Variants in SMIM35 observed in about 807,000 individuals in gnomAD.
The protein encoded by SMIM35 is small integral membrane protein 35, also known as TMPRSS4 antisense RNA 1 (non-protein coding).
At chr11:118,069,330 C>G (rs987944805) in intron 1 of SMIM35, among the ~76,000 whole-genome samples, 5 of 152,170 alleles carry the variant, frequency 3.3e-5, no homozygotes, top group Admixed American at 1.3e-4. Context: ...GCCGGTAGAC[C>G]AGGCCTTAAT....
Position 118,050,752 on chromosome 11 carries a change from G to A in SMIM35, c.8-34943C>T, listed in dbSNP as rs1944199838. On this transcript the variant is annotated intron_variant, in intron 1 of 4. Coordinates refer to ENST00000689828, the MANE Select transcript of SMIM35 (RefSeq NM_001394165.1). ...ATTGGTTGCAAGTTCAGAGGCTTTG[G>A]GGTTTTGTAGATCTGCCCGAAGCAT... 2.0e-5 allele frequency among the ~76,000 whole-genome samples: 3 copies of A among 152,296 alleles called. No homozygotes were observed. The South Asian group carries it at 6.2e-4, about 32-fold the overall frequency.
chr11:118,051,601 C>A (rs565351592), intron 1 of SMIM35, among the ~76,000 whole-genome samples: 2 of 152,196 alleles, frequency 1.3e-5, no homozygotes, highest in Non-Finnish European at 2.9e-5. Context: ...CAGGCGAGAG[C>A]TCTCCCAACA....
chr11:118,054,147 G>T (rs1235146582), intron 1 of SMIM35, among the ~76,000 whole-genome samples: 1 of 141,188 alleles, frequency 7.1e-6, no homozygotes, highest in Non-Finnish European at 1.5e-5. Flanking sequence ...GGTTTTGGGG[G>T]TTTTTGGGAT....
intron 1 of SMIM35, among the ~76,000 whole-genome samples, chr11:118,085,827 T>A (rs1236803642): frequency 6.6e-6 from 1 of 152,160 alleles, no homozygotes; most frequent in Non-Finnish European, 1.5e-5. Flanking sequence ...GGCACCTTCC[T>A]TCCTATCAGA....
At chr11:118,070,332 A>T (rs1197766827) in intron 1 of SMIM35, among the ~76,000 whole-genome samples, 2 of 152,036 alleles carry the variant, frequency 1.3e-5, no homozygotes, top group Non-Finnish European at 2.9e-5. Context: ...ACCTACCACC[A>T]CGCCCAGCTA....
chr11:118,072,903 T>C (rs1944594591), intron 1 of SMIM35, among the ~76,000 whole-genome samples: 1 of 152,120 alleles, frequency 6.6e-6, no homozygotes, highest in South Asian at 2.1e-4. Flanking sequence ...ACACTTCACA[T>C]GGAAGTGAAG....
rs2058113469 is a variant in SMIM35, at chr11:118,004,825, G to C, written c.*1585C>G. ...GAGCCCAGCCAGGAGCCTCACTGGG[G>C]CTCCTTGGTCAATCACAGCCCATCA... On this transcript the variant is annotated 3_prime_UTR_variant, in exon 5 of 5. Coordinates refer to ENST00000689828, the MANE Select transcript of SMIM35 (RefSeq NM_001394165.1). 4 of 152,230 alleles carry C rather than the reference G, an allele frequency of 2.6e-5. No individual in the cohort carries two copies. The highest frequency in any genetic ancestry group is 9.7e-5 in the African/African-American group (4 of 41,424). The allele number at this position is 152,230 out of a possible 1,614,324, so 9.4% of individuals were successfully genotyped here. A position where few individuals can be genotyped will look rare whatever the true frequency, so the allele number is the denominator to read the frequency against.
At chr11:118,050,649 C>A (rs1468012577) in intron 1 of SMIM35, among the ~76,000 whole-genome samples, 1 of 152,224 alleles carries the variant, frequency 6.6e-6, no homozygotes, top group Admixed American at 6.5e-5. Context: ...TCTTCTAGCC[C>A]CCACCCTTGC....
At chr11:118,032,529 G>A (rs1170172513) in intron 1 of SMIM35, among the ~76,000 whole-genome samples, 1 of 152,172 alleles carries the variant, frequency 6.6e-6, no homozygotes, top group East Asian at 1.9e-4. Context: ...CTGGGTGGTG[G>A]TAGGAAAGAG....
At chr11:118,041,716 T>A (rs1188636895) in intron 1 of SMIM35, among the ~76,000 whole-genome samples, 1 of 152,116 alleles carries the variant, frequency 6.6e-6, no homozygotes, top group African/African-American at 2.4e-5. Flanking sequence ...AGATCTCACA[T>A]CAATGGCCTA....
At chr11:118,029,707 C>T (rs369577050) in intron 1 of SMIM35, 16 of 457,294 alleles carry the variant, frequency 3.5e-5, no homozygotes, top group African/African-American at 2.0e-4. Flanking sequence ...GAACCAGTCT[C>T]GTTACACCCT....
chr11:118,005,919 G>A lies in SMIM35; in HGVS notation c.*491C>T, dbSNP rs1398320882. 1 of 152,490 alleles carries A rather than the reference G, an allele frequency of 6.6e-6. No individual in the cohort carries two copies. Among genetic ancestry groups the A allele is most frequent in the Non-Finnish European group, 1.5e-5 (1 of 68,218 alleles). 9.4% of individuals were successfully genotyped at this position (152,490 alleles called of 1,614,324 possible). On this transcript the variant is annotated 3_prime_UTR_variant, in exon 5 of 5. Coordinates refer to ENST00000689828, the MANE Select transcript of SMIM35 (RefSeq NM_001394165.1). ...GGCAGGCAGTGGGCACTGCAGACGA[G>A]ACTTTGTCAGGCCAGGAGGACGGGA...
chr11:118,076,002 C>T (rs553414461), intron 1 of SMIM35, among the ~76,000 whole-genome samples: 4 of 152,368 alleles, frequency 2.6e-5, no homozygotes, highest in African/African-American at 9.6e-5. Context: ...GGTGCGGTGG[C>T]TCACGCCATA....
chr11:118,013,579 G>C (rs2058160949), intron 4 of SMIM35, 169 bp downstream of exon 4: 1 of 379,230 alleles, frequency 2.6e-6, no homozygotes, highest in Admixed American at 4.5e-5. Flanking sequence ...AGAAGCGGGT[G>C]GGGGAAAACA....
At chr11:118,029,667 G>A (rs1338213911) in intron 1 of SMIM35, 1 of 457,236 alleles carries the variant, frequency 2.2e-6, no homozygotes, top group Admixed American at 2.4e-5. Flanking sequence ...GCATCAGTTG[G>A]GTCTAGTTTG....
intron 4 of SMIM35, among the ~76,000 whole-genome samples, chr11:118,007,055 A>G (rs2058125492): frequency 6.6e-6 from 1 of 152,198 alleles, no homozygotes; most frequent in Non-Finnish European, 1.5e-5. Flanking sequence ...ATACACACAC[A>G]CACGCACACG....
intron 1 of SMIM35, among the ~76,000 whole-genome samples, chr11:118,054,175 T>TG (rs1475518829): frequency 5.3e-5 from 8 of 151,912 alleles, no homozygotes; most frequent in Non-Finnish European, 1.2e-4. Context: ...TTTTGTTTTT[T>TG]TGTTTGTTCT....
intron 1 of SMIM35, among the ~76,000 whole-genome samples, chr11:118,021,334 G>T: frequency 6.6e-6 from 1 of 151,616 alleles, no homozygotes; most frequent in Admixed American, 6.6e-5. Context: ...TTTTTTTCTG[G>T]GCCTATCTTC....
chr11:118,041,553 G>A (rs564324217), intron 1 of SMIM35, among the ~76,000 whole-genome samples: 1 of 152,018 alleles, frequency 6.6e-6, no homozygotes, highest in Non-Finnish European at 1.5e-5. Context: ...TCCTAAATAC[G>A]ACCTATAACC....
Sources: allele counts gnomAD v4.1 joint callset (sites outside exome capture counted in the v4.1 genomes callset), GRCh38; gene constraint gnomAD v4.1.1; transcripts MANE v1.5; gene names NCBI Gene and HGNC (gene_info 2026-07-23, HGNC 2026-07-21).